Variants in CAMSAP1 observed in about 807,000 individuals in gnomAD.
CAMSAP1 encodes the protein calmodulin regulated spectrin associated protein 1.
Under a neutral mutation model 143.5 loss-of-function variants are expected in CAMSAP1, and 58 were observed. That is an observed-to-expected ratio of 0.40 (90% CI 0.33 to 0.50). The LOEUF is 0.50. Among genes scored for constraint, CAMSAP1 ranks in the 20% least tolerant of loss-of-function variants. CAMSAP1 has a pLI of 0.45. For synonymous variants in CAMSAP1, 945 were observed against 859.3 expected (o/e 1.10, Z -1.74); for missense variants, 1,969 against 2,115.7 (o/e 0.93, Z 1.36).
chr9:135,850,297 T>G (rs374506167), intron 6 of CAMSAP1, 25 bp downstream of exon 6: 51 of 1,610,846 alleles, frequency 3.2e-5, no homozygotes, highest in Non-Finnish European at 4.2e-5. Flanking sequence ...GTTTTAAAAC[T>G]GCATGCCAAA....
chr9:135,843,122 G>A (rs906813781), intron 7 of CAMSAP1, among the ~76,000 whole-genome samples: 3 of 152,158 alleles, frequency 2.0e-5, no homozygotes, highest in African/African-American at 7.2e-5. Flanking sequence ...GAGGTCGGGA[G>A]TTCGAGACCA....
At chr9:135,892,770 G>A (rs1838324003) in intron 1 of CAMSAP1, among the ~76,000 whole-genome samples, 1 of 141,966 alleles carries the variant, frequency 7.0e-6, no homozygotes, top group South Asian at 2.2e-4. Flanking sequence ...AGAATCTCTT[G>A]AACCCAGGAA....
In CAMSAP1 at chr9:135,907,091, G is replaced by A. The variant is rs1838808299; in HGVS notation, c.69C>T (p.Ala23=). 1 of 1,147,540 alleles carries A rather than the reference G, an allele frequency of 8.7e-7. No homozygotes were observed. Among genetic ancestry groups the A allele is most frequent in the South Asian group, 3.2e-5 (1 of 30,850 alleles). 71.1% of individuals were successfully genotyped at this position (1,147,540 alleles called of 1,614,324 possible). ...AGCGGTCCAGGGGCACGAGGTCGGC[G>A]GCGCCGTCCGGCGGGGCCTCCATCT... ...WRKMEAPPDG[A]ADLVPLDRYD... Residue 23 remains alanine (A), a synonymous_variant, in exon 1 of 17, where the codon GCC becomes GCT. Transcript: ENST00000389532.
intron 7 of CAMSAP1, among the ~76,000 whole-genome samples, chr9:135,833,099 T>G (rs1588455738): frequency 1.1e-5 from 1 of 89,348 alleles, no homozygotes; most frequent in Non-Finnish European, 2.3e-5. Context: ...TTTTTTTTTT[T>G]GAGACGGAGT....
intron 1 of CAMSAP1, among the ~76,000 whole-genome samples, chr9:135,902,722 A>G (rs1010780526): frequency 3.3e-5 from 5 of 152,320 alleles, no homozygotes; most frequent in Middle Eastern, 3.4e-3. Context: ...TTCTTATTCC[A>G]TAACATGGTT....
chr9:135,882,733 A>G lies in CAMSAP1; in HGVS notation c.423+83T>C. The G allele has an allele frequency of 1.4e-6, 2 of 1,469,238 alleles. No homozygotes were observed. The highest frequency in any genetic ancestry group is 1.3e-5 in the South Asian group (1 of 75,458). 91.0% of individuals were successfully genotyped at this position (1,469,238 alleles called of 1,614,324 possible). Reference sequence around the variant, plus strand: ...CCACCTCGCCGCACACCGTGTTCACACCATCCATGCACCAGGTGCGCCACA... The same window carrying G: ...CCACCTCGCCGCACACCGTGTTCACGCCATCCATGCACCAGGTGCGCCACA... On this transcript the variant is annotated intron_variant, in intron 2 of 16. Coordinates refer to ENST00000389532, the MANE Select transcript of CAMSAP1 (RefSeq NM_015447.4). The surrounding 1 kb of genome is among the most constrained non-coding windows in gnomAD (Gnocchi z 4.9).
intron 7 of CAMSAP1, among the ~76,000 whole-genome samples, chr9:135,840,179 T>C (rs76813389): frequency 0.023 from 3,516 of 151,970 alleles, 115 homozygotes; most frequent in African/African-American, 0.077. Context: ...GGCCATAGGG[T>C]TTCAGCAGGC....
chr9:135,838,103 C>G lies in CAMSAP1; in HGVS notation c.1046-10519G>C, dbSNP rs1836169956. On this transcript the variant is annotated intron_variant, in intron 7 of 16. Transcript: ENST00000389532. ...GACACACGTCATCACGCACTTCCCA[C>G]CCATTCTACAGACACGTCATCACAC... Among the ~76,000 whole-genome samples, 3 of 148,062 alleles carry G rather than the reference C, an allele frequency of 2.0e-5. 1 individual carries two copies. The highest frequency in any genetic ancestry group is 4.5e-5 in the Non-Finnish European group (3 of 66,106).
chr9:135,823,043 C>T lies in CAMSAP1; in HGVS notation c.1618G>A (p.Glu540Lys), dbSNP rs553305385. 9.9e-6 allele frequency: 16 copies of T among 1,614,062 alleles called. No homozygotes were observed. In the South Asian group the frequency reaches 1.8e-4, roughly 18 times the overall value. Residue 540 changes from glutamate to lysine, a missense_variant, in exon 11 of 17, where the codon GAG becomes AAG. Glu to Lys is a moderately conservative substitution (Grantham distance 56). Around this residue, in one of 4 missense-constraint regions of CAMSAP1, gnomAD observed 1,390 missense variants for 1,420.8 expected, o/e 0.98. Transcript: ENST00000389532. ...GCTCTAACAATAGCCACAAGCTCCT[C>T]TTCCTCATCCTCAATACTGACATTG... is the stretch of plus-strand genomic sequence containing the variant. Reference protein sequence around the residue: ...LSNVSIEDEEEELVAIVRADV... With the variant: ...LSNVSIEDEEKELVAIVRADV...
In CAMSAP1 at chr9:135,820,636, A is replaced by G. The variant is rs1835410247; in HGVS notation, c.3822+203T>C. ...TCTCAGCCACACCACGCTCACTTGC[A>G]TGCGTATTGCCCGGGACTGCTTCTG... On this transcript the variant is annotated intron_variant, in intron 11 of 16. Transcript: ENST00000389532. This position sits in a 1 kb window ranked among gnomAD's most constrained non-coding sequence, Gnocchi z 4.4. 6.6e-6 allele frequency among the ~76,000 whole-genome samples: 1 copy of G among 152,078 alleles called. No individual in the cohort carries two copies. The highest frequency in any genetic ancestry group is 6.5e-5 in the Admixed American group (1 of 15,282).
Position 135,811,075 on chromosome 9 carries a change from C to A in CAMSAP1, c.*234G>T. 1 of 568,036 alleles carries A rather than the reference C, an allele frequency of 1.8e-6. No individual in the cohort carries two copies. The highest frequency in any genetic ancestry group is 3.1e-5 in the Admixed American group (1 of 32,116). The allele number at this position is 568,036 out of a possible 1,614,324, so 35.2% of individuals were successfully genotyped here. On this transcript the variant is annotated 3_prime_UTR_variant, in exon 17 of 17. Coordinates refer to ENST00000389532, the MANE Select transcript of CAMSAP1 (RefSeq NM_015447.4). The surrounding 1 kb of genome is among the most constrained non-coding windows in gnomAD (Gnocchi z 4.9). ...GCAGTGCGAGCCACTGCAAAAGCGG[C>A]ATCTACTCCCCCATCCTCACCCTGC...
chr9:135,826,070 G>T lies in CAMSAP1; in HGVS notation c.1224-1190C>A, dbSNP rs1835660949. 1 of 152,268 alleles carries T rather than the reference G, an allele frequency of 6.6e-6. No homozygotes were observed. The highest frequency in any genetic ancestry group is 2.4e-5 in the African/African-American group (1 of 41,442). The allele number at this position is 152,268 out of a possible 1,614,324, so 9.4% of individuals were successfully genotyped here. A position where few individuals can be genotyped will look rare whatever the true frequency, so the allele number is the denominator to read the frequency against. On this transcript the variant is annotated intron_variant, in intron 8 of 16. Coordinates refer to ENST00000389532, the MANE Select transcript of CAMSAP1 (RefSeq NM_015447.4). The surrounding 1 kb of genome is among the most constrained non-coding windows in gnomAD (Gnocchi z 4.4). ...CGGCACGCCCATGACGTGACAGACT[G>T]GGTAGCTGTTGAAACTGTGGCAGAC...
At chr9:135,892,572 G>A (rs1432701816) in intron 1 of CAMSAP1, among the ~76,000 whole-genome samples, 1 of 151,718 alleles carries the variant, frequency 6.6e-6, no homozygotes, top group Non-Finnish European at 1.5e-5. Context: ...ACAAATCATG[G>A]CCAGGTGCAG....
In CAMSAP1 at chr9:135,831,481, A is replaced by T. The variant is rs560962855; in HGVS notation, c.1046-3897T>A. On this transcript the variant is annotated intron_variant, in intron 7 of 16. Coordinates refer to ENST00000389532, the MANE Select transcript of CAMSAP1 (RefSeq NM_015447.4). Reference sequence around the variant, plus strand: ...AGACCCCATCTCTCTTTTTTTAATTAAAAAAAAAAAAAGGAATTCTGTAGC... The same window carrying T: ...AGACCCCATCTCTCTTTTTTTAATTTAAAAAAAAAAAAGGAATTCTGTAGC... 8.0e-5 allele frequency among the ~76,000 whole-genome samples: 11 copies of T among 137,360 alleles called. No homozygotes were observed. The East Asian group carries it at 1.2e-3, about 15-fold the overall frequency. 90.1% of individuals were successfully genotyped at this position (137,360 alleles called of 152,430 possible). A position where few individuals can be genotyped will look rare whatever the true frequency, so the allele number is the denominator to read the frequency against.
Position 135,810,116 on chromosome 9 carries a change from C to T in CAMSAP1, c.*1193G>A, listed in dbSNP as rs941631628. 3.5e-4 allele frequency: 54 copies of T among 152,596 alleles called. No individual in the cohort carries two copies. Among genetic ancestry groups the T allele is most frequent in the African/African-American group, 1.3e-3 (53 of 41,448 alleles). 9.5% of individuals were successfully genotyped at this position (152,596 alleles called of 1,614,324 possible). On this transcript the variant is annotated 3_prime_UTR_variant, in exon 17 of 17. Coordinates refer to ENST00000389532, the MANE Select transcript of CAMSAP1 (RefSeq NM_015447.4). ...GTCTGGCAGCCATGGCTGGCACGCA[C>T]CTGCTCCTGGGAATGTCCGCGCTCC...
intron 16 of CAMSAP1, among the ~76,000 whole-genome samples, chr9:135,814,464 T>C (rs1203522090): frequency 6.6e-6 from 1 of 152,156 alleles, no homozygotes; most frequent in Non-Finnish European, 1.5e-5. Flanking sequence ...CTCTGCCTCC[T>C]CTCCCCTGGA....
intron 1 of CAMSAP1, among the ~76,000 whole-genome samples, chr9:135,900,702 A>C (rs187562824): frequency 6.6e-6 from 1 of 152,142 alleles, no homozygotes; most frequent in South Asian, 2.1e-4. Flanking sequence ...CTCAAAAAAA[A>C]GAAAGAGAGG....
intron 15 of CAMSAP1, 38 bp from the exon 16 acceptor site, chr9:135,815,253 TA>T: frequency 7.1e-7 from 1 of 1,416,726 alleles, no homozygotes; most frequent in Non-Finnish European, 9.7e-7. Flanking sequence ...ATTATTATTT[TA>T]AGGCACGAAC....
rs1464961839 is a variant in CAMSAP1 at position 135,818,828 on chromosome 9, C to T, written c.3959+182G>A. ...ACAGCCTCCCTGGCCACCGGCAACG[C>T]ACGTCCTCACTGAAGATCAGCAGGG... On this transcript the variant is annotated intron_variant, in intron 12 of 16. Coordinates refer to ENST00000389532, the MANE Select transcript of CAMSAP1 (RefSeq NM_015447.4). This position sits in a 1 kb window ranked among gnomAD's most constrained non-coding sequence, Gnocchi z 7.7. Among the ~76,000 whole-genome samples the T allele has an allele frequency of 1.3e-5, 2 of 152,122 alleles. No individual in the cohort carries two copies. Among genetic ancestry groups the T allele is most frequent in the African/African-American group, 4.8e-5 (2 of 41,428 alleles).
Sources: gnomAD v4.1 joint callset for allele counts (sites outside exome capture counted in the v4.1 genomes callset) on GRCh38, gnomAD v4.1.1 for gene constraint, gnomAD v4.1.1 regional missense constraint, Gnocchi (gnomAD v3.1) non-coding constraint, MANE v1.5 for transcripts, NCBI Gene and HGNC (gene_info 2026-07-23, HGNC 2026-07-21) for gene names.